SGCZ: variants seen among roughly 807,000 people sequenced by gnomAD.
The protein encoded by SGCZ is zeta-sarcoglycan.
A neutral mutation model predicts 41.3 loss-of-function variants in SGCZ; 40 were observed. The observed-to-expected ratio is 0.97, with a 90% CI of 0.75 to 1.26. The LOEUF (loss-of-function observed/expected upper bound fraction) is 1.26. Ranked by LOEUF, SGCZ falls within the 50% of genes most tolerant of loss-of-function variation. SGCZ has a pLI of 0.00. For synonymous variants in SGCZ, 206 were observed against 137.5 expected, an observed-to-expected ratio of 1.50 and a Z score of -3.49; for missense variants, 552 against 369.8, an observed-to-expected ratio of 1.49 and a Z score of -4.04.
intron 7 of SGCZ, 55 bp downstream of exon 7, chr8:14,102,321 C>T: frequency 7.4e-7 from 1 of 1,349,160 alleles, no homozygotes; most frequent in Non-Finnish European, 9.6e-7. Flanking sequence ...CATCTAAATA[C>T]TTGTGTTTTC....
intron 1 of SGCZ, among the ~76,000 whole-genome samples, chr8:14,933,006 T>A (rs1799962091): frequency 6.6e-6 from 1 of 151,910 alleles, no homozygotes; most frequent in African/African-American, 2.4e-5. Context: ...TATTGAATAC[T>A]CATAGGCACA....
chr8:14,706,844 C>T (rs906584839), intron 1 of SGCZ, among the ~76,000 whole-genome samples: 13 of 151,910 alleles, frequency 8.6e-5, no homozygotes, highest in African/African-American at 2.2e-4. Flanking sequence ...AACCAGCTGA[C>T]GGTTAGTTTG....
chr8:14,979,655 A>G (rs1801596877), intron 1 of SGCZ, among the ~76,000 whole-genome samples: 1 of 152,216 alleles, frequency 6.6e-6, no homozygotes, highest in African/African-American at 2.4e-5. Context: ...AGGCACTGTT[A>G]TTAATACCAC....
intron 1 of SGCZ, among the ~76,000 whole-genome samples, chr8:14,870,750 C>T (rs541454330): frequency 6.6e-6 from 1 of 151,744 alleles, no homozygotes; most frequent in Admixed American, 6.6e-5. Flanking sequence ...ACAACCCTGT[C>T]AAAAAGTGGG....
intron 1 of SGCZ, among the ~76,000 whole-genome samples, chr8:14,788,046 A>T (rs922211194): frequency 6.6e-6 from 1 of 152,166 alleles, no homozygotes; most frequent in African/African-American, 2.4e-5. Context: ...ATGTTGCTAG[A>T]TTCTGGAAAA....
chr8:14,528,596 G>A (rs1445466462), intron 2 of SGCZ, among the ~76,000 whole-genome samples: 1 of 151,968 alleles, frequency 6.6e-6, no homozygotes, highest in African/African-American at 2.4e-5. Context: ...CTCTGTGGTT[G>A]TCAGTTTGAT....
intron 1 of SGCZ, among the ~76,000 whole-genome samples, chr8:15,116,669 A>C (rs1807281461): frequency 6.6e-6 from 1 of 152,356 alleles, no homozygotes; most frequent in South Asian, 2.1e-4. Flanking sequence ...GAAAAGTGAA[A>C]GATAATGGAA....
intron 1 of SGCZ, among the ~76,000 whole-genome samples, chr8:15,039,194 T>A (rs533510398): frequency 7.2e-5 from 11 of 152,212 alleles, no homozygotes; most frequent in African/African-American, 2.4e-4. Flanking sequence ...CACTCCAGCA[T>A]CATTCACAAT....
intron 2 of SGCZ, among the ~76,000 whole-genome samples, chr8:14,502,719 T>C (rs988616766): frequency 1.3e-5 from 2 of 152,160 alleles, no homozygotes; most frequent in East Asian, 1.9e-4. Flanking sequence ...TCACTGGTCA[T>C]TGGAGAAATG....
chr8:14,392,102 G>C lies in SGCZ; in HGVS notation c.235-67898C>G, dbSNP rs536059126. ...AAGCTTAAATGATCCCCAGGTTTCTGTCTTTATTTAATCTCTTAAATATAA... is the reference window on the plus strand; with the variant it reads ...AAGCTTAAATGATCCCCAGGTTTCTCTCTTTATTTAATCTCTTAAATATAA... On this transcript the variant is annotated intron_variant, in intron 2 of 7. Transcript: ENST00000382080. Among the ~76,000 whole-genome samples the C allele has an allele frequency of 1.2e-3, 186 of 152,200 alleles. 1 individual carries two copies. Among genetic ancestry groups the C allele is most frequent in the African/African-American group, 3.8e-3 (158 of 41,534 alleles).
intron 3 of SGCZ, among the ~76,000 whole-genome samples, chr8:14,262,662 T>C (rs1169443284): frequency 3.3e-5 from 5 of 151,858 alleles, no homozygotes; most frequent in African/African-American, 4.8e-5. Context: ...TTCTCTTTTA[T>C]TGTCATCGAG....
intron 3 of SGCZ, among the ~76,000 whole-genome samples, chr8:14,273,690 G>A (rs1452329090): frequency 1.3e-5 from 2 of 152,126 alleles, no homozygotes; most frequent in Non-Finnish European, 2.9e-5. Flanking sequence ...GCTATGATGT[G>A]TTGGGTAAAC....
rs190957325 is a variant in SGCZ, at chr8:15,075,032, G to A, written c.39+162553C>T. Among the ~76,000 whole-genome samples the A allele has an allele frequency of 3.3e-4, 51 of 152,242 alleles. 1 individual carries two copies. The highest frequency in any genetic ancestry group is 1.2e-3 in the African/African-American group (51 of 41,554). On this transcript the variant is annotated intron_variant, in intron 1 of 7. Transcript: ENST00000382080. ...GCACCTAACCCAAAAGCTTGTCACGGAGCATGCCCTAAGCAAGACTGTGTT... is the reference window on the plus strand; with the variant it reads ...GCACCTAACCCAAAAGCTTGTCACGAAGCATGCCCTAAGCAAGACTGTGTT...
At chr8:15,229,260 T>G (rs1158115683) in intron 1 of SGCZ, among the ~76,000 whole-genome samples, 1 of 152,202 alleles carries the variant, frequency 6.6e-6, no homozygotes, top group Non-Finnish European at 1.5e-5. Context: ...GCACATCTAC[T>G]GAAACATGAA....
intron 2 of SGCZ, among the ~76,000 whole-genome samples, chr8:14,470,542 C>T (rs189099567): frequency 6.6e-6 from 1 of 152,096 alleles, no homozygotes; most frequent in Non-Finnish European, 1.5e-5. Flanking sequence ...CCCAATATTC[C>T]TAACCCCAGT....
intron 2 of SGCZ, among the ~76,000 whole-genome samples, chr8:14,511,560 T>C (rs139065885): frequency 1.3e-5 from 2 of 152,126 alleles, no homozygotes; most frequent in African/African-American, 2.4e-5. Context: ...TAAAACAAAA[T>C]AGAGATCTTA....
At chr8:14,802,213 T>C (rs1278307104) in intron 1 of SGCZ, among the ~76,000 whole-genome samples, 2 of 152,164 alleles carry the variant, frequency 1.3e-5, no homozygotes, top group Non-Finnish European at 2.9e-5. Context: ...CCTCCTCCTA[T>C]CCTTTGCATG....
intron 3 of SGCZ, among the ~76,000 whole-genome samples, chr8:14,248,448 G>A (rs372842727): frequency 1.3e-5 from 2 of 152,238 alleles, no homozygotes; most frequent in East Asian, 3.9e-4. Flanking sequence ...TGAGTATCAT[G>A]AATGATGAAA....
chr8:14,411,119 C>A lies in SGCZ; in HGVS notation c.235-86915G>T, dbSNP rs187900724. Among the ~76,000 whole-genome samples the A allele has an allele frequency of 3.4e-3, 519 of 152,050 alleles. 1 individual carries two copies. Among genetic ancestry groups the A allele is most frequent in the Non-Finnish European group, 5.5e-3 (371 of 67,944 alleles). The stretch of plus-strand genomic sequence containing the variant: ...ATTAAAATATCATTATGGCGCCAAC[C>A]AATGCGTTTTGTTTCTGCTATTATT... On this transcript the variant is annotated intron_variant, in intron 2 of 7. Coordinates refer to ENST00000382080, the MANE Select transcript of SGCZ (RefSeq NM_139167.4).
Sources: gnomAD v4.1 joint callset for allele counts (sites outside exome capture counted in the v4.1 genomes callset) on GRCh38, gnomAD v4.1.1 for gene constraint, MANE v1.5 for transcripts, NCBI Gene and HGNC (gene_info 2026-07-23, HGNC 2026-07-21) for gene names.